Variants in TBRG1 observed in about 807,000 individuals in gnomAD.
TBRG1 encodes the protein transforming growth factor beta regulator 1.
In TBRG1, 31 loss-of-function variants were observed where a neutral mutation model predicts 44.0. The observed-to-expected ratio is 0.70, with a 90% CI of 0.53 to 0.95. The LOEUF (loss-of-function observed/expected upper bound fraction) is 0.95, where lower values mean the gene tolerates loss of function less well. Ranked by LOEUF, TBRG1 falls within the 40% of genes least tolerant of loss-of-function variation. The probability of loss-of-function intolerance (pLI) is 0.00; values close to 1 mark genes in which losing one functional copy is unlikely to be tolerated. For synonymous variants in TBRG1, 171 were observed against 188.1 expected (o/e 0.91, Z 0.74); for missense variants, 487 against 496.1 (o/e 0.98, Z 0.18).
chr11:124,625,001 G>A lies in TBRG1; in HGVS notation c.221G>A (p.Arg74Lys), dbSNP rs1378212084. The change falls in exon 2 of 9, where the codon AGG becomes AAG. Residue 74 changes from arginine to lysine, a missense_variant and splice_region_variant. By Grantham distance (26) the Arg-to-Lys change is conservative. Transcript: ENST00000441174. ...TTTCTTAAAGCAAAAGAAGAAAGAA[G>A]GTGAGCTGGCTTCATTTTGTGTTCA... Reference protein sequence around the residue: ...EKFLKAKEERRYLLKKLLQLQ... With the variant: ...EKFLKAKEERKYLLKKLLQLQ... 3 of 1,544,954 alleles carry A rather than the reference G, an allele frequency of 1.9e-6. No individual in the cohort carries two copies. The highest frequency in any genetic ancestry group is 2.4e-5 in the East Asian group (1 of 40,868).
intron 3 of TBRG1, among the ~76,000 whole-genome samples, chr11:124,626,119 A>G: frequency 6.6e-6 from 1 of 152,154 alleles, no homozygotes; most frequent in East Asian, 1.9e-4. Flanking sequence ...ATGCAAGGGG[A>G]GCAGACTGAG....
In TBRG1 at chr11:124,631,338, G is replaced by A. The variant is rs199574104; in HGVS notation, c.1011G>A (p.Pro337=). 2.9e-5 allele frequency: 47 copies of A among 1,613,132 alleles called. No homozygotes were observed. Among genetic ancestry groups the A allele is most frequent in the Admixed American group, 2.0e-4 (12 of 59,960 alleles). The change falls in exon 8 of 9, where the codon CCG becomes CCA. Residue 337 remains proline, a synonymous_variant. Transcript: ENST00000441174. The part of the protein sequence containing the change: ...PGDGQLPEGL[P]ENDAAMSFEA... Reference sequence around the variant, plus strand: ...ATGGGCAGCTACCTGAGGGGCTGCCGGAGAATGATGCAGCTATGAGCTTTG... The same window carrying A: ...ATGGGCAGCTACCTGAGGGGCTGCCAGAGAATGATGCAGCTATGAGCTTTG...
Position 124,625,748 on chromosome 11 carries a change from C to G in TBRG1, c.299C>G (p.Ser100Cys). The G allele has an allele frequency of 1.3e-6, 2 of 1,563,676 alleles. No individual in the cohort carries two copies. Among genetic ancestry groups the G allele is most frequent in the East Asian group, 2.4e-5 (1 of 42,230 alleles). ...EVQAAAPSHS[S>C]SLPLTYGVAS... Reference sequence around the variant, plus strand: ...CAGGCTGCAGCTCCTTCCCACAGTTCCAGTTTGCCCCTGACTTATGGTGTG... The same window carrying G: ...CAGGCTGCAGCTCCTTCCCACAGTTGCAGTTTGCCCCTGACTTATGGTGTG... Residue 100 changes from serine to cysteine, a missense_variant, in exon 3 of 9, where the codon TCC (serine) becomes TGC (cysteine). Coordinates refer to ENST00000441174, the MANE Select transcript of TBRG1 (RefSeq NM_032811.3).
rs1942605811 is a variant in TBRG1, at chr11:124,631,327, G to A, written c.1000G>A (p.Glu334Lys). The A allele has an allele frequency of 6.2e-7, 1 of 1,612,648 alleles. No individual in the cohort carries two copies. The highest frequency in any genetic ancestry group is 8.5e-7 in the Non-Finnish European group (1 of 1,179,122). The change falls in exon 8 of 9, where the codon GAG (glutamate) becomes AAG (lysine). Residue 334 changes from glutamate (E) to lysine (K), a missense_variant. Coordinates refer to ENST00000441174, the MANE Select transcript of TBRG1 (RefSeq NM_032811.3). ...VCKPGDGQLP[E>K]GLPENDAAMS... ...CAAACCTGGAGATGGGCAGCTACCT[G>A]AGGGGCTGCCGGAGAATGATGCAGC... is the stretch of plus-strand genomic sequence containing the variant.
chr11:124,625,083 A>G (rs1367175292), intron 2 of TBRG1, 82 bp downstream of exon 2: 2 of 1,005,706 alleles, frequency 2.0e-6, no homozygotes, highest in Non-Finnish European at 1.5e-6. Context: ...TGCTCTGGAG[A>G]CTTTTTTTCC....
intron 2 of TBRG1, among the ~76,000 whole-genome samples, 175 bp downstream of exon 2, chr11:124,625,176 G>A (rs552149507): frequency 9.8e-5 from 15 of 152,288 alleles, no homozygotes; most frequent in African/African-American, 3.6e-4. Flanking sequence ...ATTGGTGCCT[G>A]CACACCCAAG....
chr11:124,634,805 G>A lies in TBRG1; in HGVS notation c.*2567G>A, dbSNP rs1467813665. 3 of 152,136 alleles carry A rather than the reference G, an allele frequency of 2.0e-5. No homozygotes were observed. Among genetic ancestry groups the A allele is most frequent in the Non-Finnish European group, 2.9e-5 (2 of 68,038 alleles). 9.4% of individuals were successfully genotyped at this position (152,136 alleles called of 1,614,324 possible). ...CACAGATTACAAAATAATATGTACT[G>A]TATAAAATTATATAACTCAAGTCAA... On this transcript the variant is annotated 3_prime_UTR_variant, in exon 9 of 9. Coordinates refer to ENST00000441174, the MANE Select transcript of TBRG1 (RefSeq NM_032811.3).
Position 124,623,027 on chromosome 11 carries a change from C to G in TBRG1, c.-57C>G, listed in dbSNP as rs1942372928. On this transcript the variant is annotated 5_prime_UTR_variant, in exon 1 of 9. Transcript: ENST00000441174. Reference sequence around the variant, plus strand: ...ACAAAGCCAGCGCTCCCGCCCGCTCCCCGACTTAGGATCCGATGCCGGCAG... The same window carrying G: ...ACAAAGCCAGCGCTCCCGCCCGCTCGCCGACTTAGGATCCGATGCCGGCAG... 1 of 1,478,824 alleles carries G rather than the reference C, an allele frequency of 6.8e-7. No homozygotes were observed. Among genetic ancestry groups the G allele is most frequent in the Non-Finnish European group, 9.0e-7 (1 of 1,117,022 alleles). The allele number at this position is 1,478,824 out of a possible 1,614,324, so 91.6% of individuals were successfully genotyped here. A position where few individuals can be genotyped will look rare whatever the true frequency, so the allele number is the denominator to read the frequency against.
chr11:124,631,788 G>A (rs1942616867), intron 8 of TBRG1: 1 of 432,212 alleles, frequency 2.3e-6, no homozygotes, highest in South Asian at 2.9e-5. Flanking sequence ...TGTTCCATGA[G>A]TTCCTCCCAC....
chr11:124,625,066 G>T (rs1344184244), intron 2 of TBRG1, 65 bp downstream of exon 2: 2 of 1,152,746 alleles, frequency 1.7e-6, no homozygotes, highest in East Asian at 2.6e-5. Context: ...ATTGATAATG[G>T]TGTTACTGCT....
Position 124,633,736 on chromosome 11 carries a change from A to G in TBRG1, c.*1498A>G, listed in dbSNP as rs1942660282. On this transcript the variant is annotated 3_prime_UTR_variant, in exon 9 of 9. Coordinates refer to ENST00000441174, the MANE Select transcript of TBRG1 (RefSeq NM_032811.3). ...AGCAAATCGGGAAGGGGACTGCTTA[A>G]AATGTTAATGCAGTGTTTTTCTTTT... 6.6e-6 allele frequency: 1 copy of G among 152,258 alleles called. No individual in the cohort carries two copies. Among genetic ancestry groups the G allele is most frequent in the Non-Finnish European group, 1.5e-5 (1 of 68,052 alleles). The allele number at this position is 152,258 out of a possible 1,614,324, so 9.4% of individuals were successfully genotyped here.
intron 7 of TBRG1, 124 bp from the exon 8 acceptor site, chr11:124,631,151 A>C (rs1167881943): frequency 1.3e-5 from 13 of 971,982 alleles, no homozygotes; most frequent in Non-Finnish European, 1.9e-5. Context: ...TTTTGTTAGC[A>C]AATATGTGTT....
rs1942427691 is a variant in TBRG1, at chr11:124,624,928, A to C, written c.151-3A>C. On this transcript the variant is annotated splice_region_variant and splice_polypyrimidine_tract_variant and intron_variant, in intron 1 of 8. Transcript: ENST00000441174. Reference sequence around the variant, plus strand: ...GTTATTATATTCACATTTTTACTTAAAGGAAAATGCTGCTATTTGTGATGA... The same window carrying C: ...GTTATTATATTCACATTTTTACTTACAGGAAAATGCTGCTATTTGTGATGA... 1.3e-6 allele frequency: 2 copies of C among 1,528,354 alleles called. No individual in the cohort carries two copies. The highest frequency in any genetic ancestry group is 1.8e-6 in the Non-Finnish European group (2 of 1,128,224). The allele number at this position is 1,528,354 out of a possible 1,614,324, so 94.7% of individuals were successfully genotyped here.
intron 5 of TBRG1, 66 bp from the exon 6 acceptor site, chr11:124,630,322 A>G: frequency 1.0e-6 from 1 of 1,000,652 alleles, no homozygotes; most frequent in Non-Finnish European, 1.6e-6. Context: ...AAATATTTAC[A>G]GAGTAGTATG....
In TBRG1 at chr11:124,633,504, C is replaced by A. The variant is rs1942654965; in HGVS notation, c.*1266C>A. ...TTAATGCACTGCCATTCATAATTGC[C>A]AATTGAGGACAACACAAATGGGATT... On this transcript the variant is annotated 3_prime_UTR_variant, in exon 9 of 9. Transcript: ENST00000441174. The A allele has an allele frequency of 6.6e-6, 1 of 152,172 alleles. No homozygotes were observed. Among genetic ancestry groups the A allele is most frequent in the African/African-American group, 2.4e-5 (1 of 41,436 alleles). 9.4% of individuals were successfully genotyped at this position (152,172 alleles called of 1,614,324 possible).
At chr11:124,623,327 A>C (rs1377191099) in intron 1 of TBRG1, 94 bp downstream of exon 1, 1 of 1,394,904 alleles carries the variant, frequency 7.2e-7, no homozygotes, top group Admixed American at 2.0e-5. Flanking sequence ...TGACAGTATT[A>C]ATACAGTGTT....
At chr11:124,628,065 TTATATATATATATATA>T (rs71042445) in intron 5 of TBRG1, among the ~76,000 whole-genome samples, 1,203 of 69,766 alleles carry the variant, frequency 0.017, 13 homozygotes, top group Non-Finnish European at 0.02. Flanking sequence ...AGTAGCTGTT[TTATATATATATATATA>T]TATATATATA....
Position 124,623,218 on chromosome 11 carries a change from C to G in TBRG1, c.135C>G (p.Ala45=). ...AGTACCTGCGGCTGCGCAAAGCGGCCAAGGCCACGGTGTTTGTGAGTCTGA... is the reference window on the plus strand; with the variant it reads ...AGTACCTGCGGCTGCGCAAAGCGGCGAAGGCCACGGTGTTTGTGAGTCTGA... ...RLKYLRLRKA[A]KATVFENAAI... is the part of the protein sequence containing the mutation. Residue 45 remains alanine, a synonymous_variant, in exon 1 of 9, where the codon GCC becomes GCG. Transcript: ENST00000441174. The G allele has an allele frequency of 6.4e-7, 1 of 1,551,496 alleles. No homozygotes were observed. The highest frequency in any genetic ancestry group is 2.4e-5 in the East Asian group (1 of 40,926).
intron 5 of TBRG1, 133 bp from the exon 6 acceptor site, chr11:124,630,255 A>G: frequency 7.0e-6 from 5 of 711,610 alleles, no homozygotes; most frequent in Non-Finnish European, 1.3e-5. Flanking sequence ...CCCTATAGGA[A>G]AGTATGTGTG....
Sources: gnomAD v4.1 joint callset for allele counts (sites outside exome capture counted in the v4.1 genomes callset) on GRCh38, gnomAD v4.1.1 for gene constraint, MANE v1.5 for transcripts, NCBI Gene and HGNC (gene_info 2026-07-23, HGNC 2026-07-21) for gene names.